Variants in GUCY1A1 observed in about 807,000 individuals in gnomAD.
The protein encoded by GUCY1A1 is guanylate cyclase soluble subunit alpha-1.
In GUCY1A1, 48 loss-of-function variants were observed where a neutral mutation model predicts 64.5. The ratio of observed to expected loss-of-function variants is 0.74; its 90% CI spans 0.59 to 0.95. The LOEUF (loss-of-function observed/expected upper bound fraction) is 0.95, where lower values mean the gene tolerates loss of function less well. Ranked by LOEUF, GUCY1A1 falls within the 40% of genes least tolerant of loss-of-function variation. GUCY1A1 has a pLI of 0.00. For synonymous variants in GUCY1A1, 308 were observed against 303.4 expected (o/e 1.02, Z -0.16); for missense variants, 804 against 825.3 (o/e 0.97, Z 0.32).
intron 3 of GUCY1A1, among the ~76,000 whole-genome samples, chr4:155,698,529 C>T (rs1469418702): frequency 1.3e-5 from 2 of 152,182 alleles, no homozygotes; most frequent in East Asian, 3.9e-4. Context: ...TATGTTTTCC[C>T]TGAATCCTGT....
chr4:155,681,329 T>C (rs1033650783), intron 2 of GUCY1A1, among the ~76,000 whole-genome samples: 5 of 152,180 alleles, frequency 3.3e-5, no homozygotes, highest in African/African-American at 1.2e-4. Flanking sequence ...TAAGTATTTC[T>C]ATTTACAGAA....
At position 155,697,030 on chromosome 4, in the gene GUCY1A1, A is replaced by G; in HGVS notation, c.163A>G (p.Ile55Val). 6.2e-7 allele frequency: 1 copy of G among 1,612,834 alleles called. No individual in the cohort carries two copies. Among genetic ancestry groups the G allele is most frequent in the Non-Finnish European group, 8.5e-7 (1 of 1,178,828 alleles). The stretch of plus-strand genomic sequence containing the variant: ...CTGTCAAGACATTCCTGAGAAGAAC[A>G]TACAAGAAAGTCTTCCTCAAAGAAA... ...PICQDIPEKNIQESLPQRKTS... is the reference protein window; with the variant it reads ...PICQDIPEKNVQESLPQRKTS... Residue 55 changes from isoleucine (I) to valine (V), a missense_variant, in exon 3 of 10, where the codon ATA becomes GTA. Physicochemically the swap from Ile to Val is conservative, Grantham distance 29 (BLOSUM62 3). Coordinates refer to ENST00000506455, the MANE Select transcript of GUCY1A1 (RefSeq NM_001130682.3).
chr4:155,682,533 G>A (rs1167894997), intron 2 of GUCY1A1, among the ~76,000 whole-genome samples: 2 of 152,004 alleles, frequency 1.3e-5, no homozygotes, highest in South Asian at 2.1e-4. Context: ...TTAGCTGGGC[G>A]TGGTGGTGTG....
chr4:155,685,250 C>G (rs1400266995), intron 2 of GUCY1A1, among the ~76,000 whole-genome samples: 1 of 152,096 alleles, frequency 6.6e-6, no homozygotes, highest in African/African-American at 2.4e-5. Flanking sequence ...ATGTGATGTC[C>G]CCAACAGCTC....
In GUCY1A1 at chr4:155,710,700, G is replaced by T. The variant is rs749191658; in HGVS notation, c.535G>T (p.Ala179Ser). 50 of 1,614,008 alleles carry T rather than the reference G, an allele frequency of 3.1e-5. No homozygotes were observed. Among genetic ancestry groups the T allele is most frequent in the Non-Finnish European group, 4.2e-5 (49 of 1,180,010 alleles). The change falls in exon 6 of 10, where the codon GCA becomes TCA. Residue 179 changes from alanine (A) to serine (S), a missense_variant. Ala to Ser is a moderately conservative substitution (Grantham distance 99). Transcript: ENST00000506455. ...LLKQSSHCQE[A>S]GKRGRLEDAS... ...GAAACAGAGCAGCCATTGCCAAGAA[G>T]CAGGAAAAAGGGGCAGGCTTGAGGA...
chr4:155,720,355 CTAT>C (rs1178037873), intron 8 of GUCY1A1, among the ~76,000 whole-genome samples: 1 of 151,822 alleles, frequency 6.6e-6, no homozygotes, highest in Non-Finnish European at 1.5e-5. Context: ...ATCTATCTAT[CTAT>C]CTATCTATCT....
chr4:155,691,129 G>A (rs1344310912), intron 2 of GUCY1A1, among the ~76,000 whole-genome samples: 1 of 152,162 alleles, frequency 6.6e-6, no homozygotes, highest in Non-Finnish European at 1.5e-5. Flanking sequence ...TAAAGCAAAA[G>A]CCAGATGGTT....
intron 2 of GUCY1A1, among the ~76,000 whole-genome samples, chr4:155,688,089 G>A (rs1278179038): frequency 3.3e-5 from 5 of 152,062 alleles, no homozygotes; most frequent in African/African-American, 4.8e-5. Context: ...TTAGCCTGGC[G>A]TGGTGGCGGG....
At chr4:155,727,856 A>G (rs887256297) in intron 9 of GUCY1A1, among the ~76,000 whole-genome samples, 3 of 151,982 alleles carry the variant, frequency 2.0e-5, no homozygotes, top group Admixed American at 2.0e-4. Flanking sequence ...GCTCTGACAC[A>G]ATGGATCCTA....
chr4:155,717,798 A>G (rs1733460614), intron 8 of GUCY1A1, among the ~76,000 whole-genome samples: 1 of 152,196 alleles, frequency 6.6e-6, no homozygotes, highest in Admixed American at 6.6e-5. Flanking sequence ...TCTACTAAGC[A>G]TGCTATAGAA....
chr4:155,711,945 G>A (rs1471375147), intron 6 of GUCY1A1, among the ~76,000 whole-genome samples: 1 of 151,938 alleles, frequency 6.6e-6, no homozygotes, highest in Non-Finnish European at 1.5e-5. Context: ...AATATTGAAA[G>A]GTGTTTATTG....
At chr4:155,696,468 G>A (rs556000507) in intron 2 of GUCY1A1, among the ~76,000 whole-genome samples, 60 of 152,270 alleles carry the variant, frequency 3.9e-4, no homozygotes, top group Admixed American at 3.9e-3. Context: ...GACCAGATGA[G>A]TGTAAAAAAT....
In GUCY1A1 at chr4:155,717,287, T is replaced by C. The variant is rs747624072; in HGVS notation, c.1701T>C (p.His567=). ...MELSDEVMSP[H]GEPIKMRIGL... Reference sequence around the variant, plus strand: ...TCTCTGATGAAGTTATGTCTCCCCATGGAGAACCTATCAAGGTAAGGCAGA... The same window carrying C: ...TCTCTGATGAAGTTATGTCTCCCCACGGAGAACCTATCAAGGTAAGGCAGA... The change falls in exon 8 of 10, where the codon CAT becomes CAC. Residue 567 remains histidine (H), a synonymous_variant. Coordinates refer to ENST00000506455, the MANE Select transcript of GUCY1A1 (RefSeq NM_001130682.3). 26 of 1,590,996 alleles carry C rather than the reference T, an allele frequency of 1.6e-5. No homozygotes were observed. The highest frequency in any genetic ancestry group is 1.7e-4 in the Middle Eastern group (1 of 5,994).
At chr4:155,685,744 A>G (rs987245090) in intron 2 of GUCY1A1, among the ~76,000 whole-genome samples, 3 of 151,214 alleles carry the variant, frequency 2.0e-5, no homozygotes, top group Non-Finnish European at 4.4e-5. Flanking sequence ...TCATAGCTGT[A>G]TAAGTTTCTT....
In GUCY1A1 at chr4:155,725,746, C is replaced by G. The variant is rs185153371; in HGVS notation, c.1871+3554C>G. On this transcript the variant is annotated intron_variant, in intron 9 of 9. Coordinates refer to ENST00000506455, the MANE Select transcript of GUCY1A1 (RefSeq NM_001130682.3). ...ATATAATTCAGGATCTCATGTATTT[C>G]AGCAGAGGACCACAACATGTTGACA... Among the ~76,000 whole-genome samples the G allele has an allele frequency of 7.2e-5, 11 of 152,066 alleles. No homozygotes were observed. The East Asian group carries it at 2.1e-3, about 29-fold the overall frequency.
chr4:155,707,031 G>C (rs1241720789), intron 4 of GUCY1A1, among the ~76,000 whole-genome samples: 1 of 152,166 alleles, frequency 6.6e-6, no homozygotes, highest in Non-Finnish European at 1.5e-5. Context: ...AAGGATTAAA[G>C]TTTAATATAA....
chr4:155,675,184 A>G (rs560307022), intron 2 of GUCY1A1, among the ~76,000 whole-genome samples: 8 of 151,776 alleles, frequency 5.3e-5, no homozygotes, highest in East Asian at 1.9e-4. Flanking sequence ...TGCAGCTTCA[A>G]ATATGCTCAT....
Position 155,733,462 on chromosome 4 carries a change from A to C in GUCY1A1, c.*3231A>C, listed in dbSNP as rs1282418074. 1.3e-5 allele frequency among the ~76,000 whole-genome samples: 2 copies of C among 151,660 alleles called. No individual in the cohort carries two copies. The highest frequency in any genetic ancestry group is 2.4e-5 in the African/African-American group (1 of 41,304). On this transcript the variant is annotated 3_prime_UTR_variant, in exon 10 of 10. Coordinates refer to ENST00000506455, the MANE Select transcript of GUCY1A1 (RefSeq NM_001130682.3). The stretch of plus-strand genomic sequence containing the variant: ...AAGACCATCTGGGCAAAAATCACGA[A>C]GGGGTATGTGTGTCATGTAAAGGTG...
intron 2 of GUCY1A1, among the ~76,000 whole-genome samples, chr4:155,676,818 T>C (rs1169816054): frequency 6.6e-6 from 1 of 151,586 alleles, no homozygotes; most frequent in Non-Finnish European, 1.5e-5. Flanking sequence ...TCTTTGTCTT[T>C]TGCATTTATT....
Sources: gnomAD v4.1 joint callset for allele counts (sites outside exome capture counted in the v4.1 genomes callset) on GRCh38, gnomAD v4.1.1 for gene constraint, MANE v1.5 for transcripts, NCBI Gene and HGNC (gene_info 2026-07-23, HGNC 2026-07-21) for gene names.